Variants in PCDHB2 observed in about 807,000 individuals in gnomAD.
PCDHB2 encodes the protein protocadherin beta-2.
For synonymous variants in PCDHB2, 395 were observed against 464.9 expected, an observed-to-expected ratio of 0.85 and a Z score of 1.93; for missense variants, 914 against 1,023.1, an observed-to-expected ratio of 0.89 and a Z score of 1.45.
rs979178982 is a variant in PCDHB2 at position 141,097,418 on chromosome 5, A to T, written c.*231A>T. 4.3e-5 allele frequency: 20 copies of T among 464,694 alleles called. No individual in the cohort carries two copies. Among genetic ancestry groups the T allele is most frequent in the Non-Finnish European group, 1.5e-5 (4 of 267,476 alleles). The allele number at this position is 464,694 out of a possible 1,614,324, so 28.8% of individuals were successfully genotyped here. ...TTCATTGCAATTTAATTGCATTTAAAGTGTAAAAGTAAATTTTGTATTTTC... is the reference window on the plus strand; with the variant it reads ...TTCATTGCAATTTAATTGCATTTAATGTGTAAAAGTAAATTTTGTATTTTC... On this transcript the variant is annotated 3_prime_UTR_variant, in exon 1 of 1. Transcript: ENST00000194155.
At position 141,095,837 on chromosome 5, in the gene PCDHB2, A is replaced by G. The variant is rs201638293; in HGVS notation, c.1047A>G (p.Leu349=). 3.1e-6 allele frequency: 5 copies of G among 1,614,070 alleles called. No individual in the cohort carries two copies. In the East Asian group the frequency reaches 1.1e-4, roughly 36 times the overall value. Residue 349 remains leucine (L), a synonymous_variant, in exon 1 of 1, where the codon CTA becomes CTG. Coordinates refer to ENST00000194155, the MANE Select transcript of PCDHB2 (RefSeq NM_018936.4). ...VMDLNDNPPE[L]TMSTLINQIP... is the part of the protein sequence containing the mutation. ...ATTTGAATGACAATCCTCCGGAACT[A>G]ACTATGTCGACACTTATCAATCAGA...
At position 141,097,135 on chromosome 5, in the gene PCDHB2, A is replaced by G; in HGVS notation, c.2345A>G (p.Glu782Gly). Residue 782 changes from glutamate (E) to glycine (G), a missense_variant, in exon 1 of 1, where the codon GAG becomes GGG. By Grantham distance (98) the Glu-to-Gly change is moderately conservative. Coordinates refer to ENST00000194155, the MANE Select transcript of PCDHB2 (RefSeq NM_018936.4). The part of the protein sequence containing the change: ...IIPNFVAQGA[E>G]RVSEANPSFR... ...CCCAACTTCGTTGCTCAGGGTGCAG[A>G]GAGGGTTAGCGAGGCAAATCCCAGT... is the stretch of plus-strand genomic sequence containing the variant. 2 of 1,605,460 alleles carry G rather than the reference A, an allele frequency of 1.2e-6. No homozygotes were observed. Among genetic ancestry groups the G allele is most frequent in the Non-Finnish European group, 1.7e-6 (2 of 1,175,644 alleles).
At position 141,097,157 on chromosome 5, in the gene PCDHB2, C is replaced by T. The variant is rs782570394; in HGVS notation, c.2367C>T (p.Pro789=). ...CAGAGAGGGTTAGCGAGGCAAATCCCAGTTTCAGGAAGAGCTTTGAATTCA... is the reference window on the plus strand; with the variant it reads ...CAGAGAGGGTTAGCGAGGCAAATCCTAGTTTCAGGAAGAGCTTTGAATTCA... ...QGAERVSEAN[P]SFRKSFEFT Residue 789 remains proline, a synonymous_variant, in exon 1 of 1, where the codon CCC becomes CCT. Transcript: ENST00000194155. 4.0e-5 allele frequency: 65 copies of T among 1,606,124 alleles called. No individual in the cohort carries two copies. The Middle Eastern group carries it at 5.0e-4, about 12-fold the overall frequency.
At position 141,095,010 on chromosome 5, in the gene PCDHB2, A is replaced by G. The variant is rs540890394; in HGVS notation, c.220A>G (p.Lys74Glu). 2 of 1,613,292 alleles carry G rather than the reference A, an allele frequency of 1.2e-6. No individual in the cohort carries two copies. The highest frequency in any genetic ancestry group is 4.5e-5 in the East Asian group (2 of 44,860). ...GGCCAGGGTCGTTTCCAAAGGAAAA[A>G]AAATGCATTTGCAGTTCGATAGGCA... ...RGARVVSKGK[K>E]MHLQFDRQTG... Residue 74 changes from lysine (K) to glutamate (E), a missense_variant, in exon 1 of 1, where the codon AAA (lysine) becomes GAA (glutamate). By Grantham distance (56) the Lys-to-Glu change is moderately conservative. Coordinates refer to ENST00000194155, the MANE Select transcript of PCDHB2 (RefSeq NM_018936.4).
Position 141,097,294 on chromosome 5 carries a change from T to C in PCDHB2, c.*107T>C. The C allele has an allele frequency of 7.9e-7, 1 of 1,263,130 alleles. No homozygotes were observed. The highest frequency in any genetic ancestry group is 1.1e-6 in the Non-Finnish European group (1 of 910,896). 78.2% of individuals were successfully genotyped at this position (1,263,130 alleles called of 1,614,324 possible). ...TCCTTTTATTAGAAAGTAACCATCT[T>C]ATTCCAATTCTATGCATGTTACTGG... On this transcript the variant is annotated 3_prime_UTR_variant, in exon 1 of 1. Transcript: ENST00000194155.
Position 141,096,751 on chromosome 5 carries a change from G to C in PCDHB2, c.1961G>C (p.Arg654Pro), listed in dbSNP as rs1554271620. Residue 654 changes from arginine to proline, a missense_variant, in exon 1 of 1, where the codon CGC becomes CCC. Physicochemically the swap from Arg to Pro is moderately radical, Grantham distance 103. Coordinates refer to ENST00000194155, the MANE Select transcript of PCDHB2 (RefSeq NM_018936.4). ...GTCAAGGACAATGGCGAGCCTCCGC[G>C]CTCGGCCACCGCCACGCTGCACGTG... is the stretch of plus-strand genomic sequence containing the variant. ...VLVKDNGEPP[R>P]SATATLHVLL... The C allele has an allele frequency of 1.2e-5, 19 of 1,609,898 alleles. No individual in the cohort carries two copies. Among genetic ancestry groups the C allele is most frequent in the Non-Finnish European group, 1.4e-5 (17 of 1,179,642 alleles).
At position 141,096,473 on chromosome 5, in the gene PCDHB2, C is replaced by T. The variant is rs782377003; in HGVS notation, c.1683C>T (p.Pro561=). 5 of 1,610,768 alleles carry T rather than the reference C, an allele frequency of 3.1e-6. No homozygotes were observed. Among genetic ancestry groups the T allele is most frequent in the Admixed American group, 1.7e-5 (1 of 59,922 alleles). Residue 561 remains proline (P), a synonymous_variant, in exon 1 of 1, where the codon CCC becomes CCT. Transcript: ENST00000194155. ...TGCTGGACGCCAACGACAACTCGCC[C>T]TTCGTGCTGTACCCGCTGCAGAACG... The part of the protein sequence containing the change: ...VLVLDANDNS[P]FVLYPLQNGS...
At position 141,096,140 on chromosome 5, in the gene PCDHB2, C is replaced by T. The variant is rs782740359; in HGVS notation, c.1350C>T (p.Ala450=). Residue 450 remains alanine, a synonymous_variant, in exon 1 of 1, where the codon GCC becomes GCT. Coordinates refer to ENST00000194155, the MANE Select transcript of PCDHB2 (RefSeq NM_018936.4). The part of the protein sequence containing the change: ...TVLVSDVNDN[A]PAFTQTSYTL... ...TGGTCTCCGACGTCAATGACAACGC[C>T]CCCGCCTTCACCCAAACCTCCTACA... The T allele has an allele frequency of 9.8e-5, 158 of 1,613,376 alleles. No individual in the cohort carries two copies. Among genetic ancestry groups the T allele is most frequent in the Non-Finnish European group, 1.3e-4 (155 of 1,179,992 alleles).
In PCDHB2 at chr5:141,097,348, G is replaced by A; in HGVS notation, c.*161G>A. Reference sequence around the variant, plus strand: ...TTATAAATGTATGAGTTTTTTTGCGGTATAATAAATGTAAATTTTCTTTGT... The same window carrying A: ...TTATAAATGTATGAGTTTTTTTGCGATATAATAAATGTAAATTTTCTTTGT... On this transcript the variant is annotated 3_prime_UTR_variant, in exon 1 of 1. Transcript: ENST00000194155. 1.3e-6 allele frequency: 1 copy of A among 779,990 alleles called. No individual in the cohort carries two copies. Among genetic ancestry groups the A allele is most frequent in the Admixed American group, 3.1e-5 (1 of 31,772 alleles). The allele number at this position is 779,990 out of a possible 1,614,324, so 48.3% of individuals were successfully genotyped here.
Position 141,096,484 on chromosome 5 carries a change from A to G in PCDHB2, c.1694A>G (p.Tyr565Cys). The change falls in exon 1 of 1, where the codon TAC (tyrosine) becomes TGC (cysteine). Residue 565 changes from tyrosine (Y) to cysteine (C), a missense_variant. Transcript: ENST00000194155. ...DANDNSPFVL[Y>C]PLQNGSAPCT... is the part of the protein sequence containing the mutation. ...AACGACAACTCGCCCTTCGTGCTGT[A>G]CCCGCTGCAGAACGGCTCCGCGCCC... is the stretch of plus-strand genomic sequence containing the variant. 1 of 1,610,390 alleles carries G rather than the reference A, an allele frequency of 6.2e-7. No individual in the cohort carries two copies. The highest frequency in any genetic ancestry group is 1.1e-5 in the South Asian group (1 of 90,862).
chr5:141,097,317 T>A lies in PCDHB2; in HGVS notation c.*130T>A. On this transcript the variant is annotated 3_prime_UTR_variant, in exon 1 of 1. Transcript: ENST00000194155. ...CTTATTCCAATTCTATGCATGTTAC[T>A]GGTATTTATAAATGTATGAGTTTTT... The A allele has an allele frequency of 7.8e-6, 8 of 1,022,072 alleles. No homozygotes were observed. The highest frequency in any genetic ancestry group is 1.1e-5 in the Non-Finnish European group (8 of 713,186). The allele number at this position is 1,022,072 out of a possible 1,614,324, so 63.3% of individuals were successfully genotyped here.
chr5:141,096,317 C>T lies in PCDHB2; in HGVS notation c.1527C>T (p.Asn509=). 1.2e-6 allele frequency: 2 copies of T among 1,613,398 alleles called. No individual in the cohort carries two copies. The highest frequency in any genetic ancestry group is 1.7e-6 in the Non-Finnish European group (2 of 1,179,950). ...CCCTCGCCTCCCTGGTCTCCATCAA[C>T]GCGGACAACGGCCACCTGTTCGCTC... ...HLPLASLVSI[N]ADNGHLFALQ... The change falls in exon 1 of 1, where the codon AAC becomes AAT. Residue 509 remains asparagine (N), a synonymous_variant. Transcript: ENST00000194155.
At position 141,094,845 on chromosome 5, in the gene PCDHB2, T is replaced by G; in HGVS notation, c.55T>G (p.Phe19Val). ...RVPKQRQVLI[F>V]FVLLGIAQAS... is the part of the protein sequence containing the mutation. Reference sequence around the variant, plus strand: ...TCCGAAACAAAGGCAAGTCCTGATATTCTTTGTTTTGCTGGGCATAGCTCA... The same window carrying G: ...TCCGAAACAAAGGCAAGTCCTGATAGTCTTTGTTTTGCTGGGCATAGCTCA... Residue 19 changes from phenylalanine (F) to valine (V), a missense_variant, in exon 1 of 1, where the codon TTC (phenylalanine) becomes GTC (valine). By Grantham distance (50) the Phe-to-Val change is conservative. Transcript: ENST00000194155. The G allele has an allele frequency of 2.5e-6, 4 of 1,601,622 alleles. No homozygotes were observed. The highest frequency in any genetic ancestry group is 3.4e-6 in the Non-Finnish European group (4 of 1,175,294).
Position 141,095,586 on chromosome 5 carries a change from G to GTC in PCDHB2, c.800_801dup (p.Ala268LeufsTer5), listed in dbSNP as rs1554271287. The GTC allele has an allele frequency of 6.2e-7, 1 of 1,614,080 alleles. No homozygotes were observed. Among genetic ancestry groups the GTC allele is most frequent in the Non-Finnish European group, 8.5e-7 (1 of 1,180,040 alleles). On this transcript the variant is annotated frameshift_variant, in exon 1 of 1. Coordinates refer to ENST00000194155, the MANE Select transcript of PCDHB2 (RefSeq NM_018936.4). LOFTEE classifies it low-confidence loss of function (END_TRUNC). ...CCCCGTTGGATCCCAGGTTGCCATC[G>GTC]TCTCTGCCAGGGATTTAGACATTGG...
In PCDHB2 at chr5:141,095,306, C is replaced by G. The variant is rs782605908; in HGVS notation, c.516C>G (p.Tyr172Ter). The G allele has an allele frequency of 6.2e-7, 1 of 1,614,062 alleles. No individual in the cohort carries two copies. Among genetic ancestry groups the G allele is most frequent in the Non-Finnish European group, 8.5e-7 (1 of 1,179,952 alleles). ...LDVGTNSLQNYTISPNFHFHL... is the reference protein window; with the variant it reads ...LDVGTNSLQN Reference sequence around the variant, plus strand: ...TAGGAACCAACAGTCTCCAAAATTACACAATCAGTCCCAATTTCCACTTTC... The same window carrying G: ...TAGGAACCAACAGTCTCCAAAATTAGACAATCAGTCCCAATTTCCACTTTC... Residue 172 changes from tyrosine (Y) to a stop codon, truncating the protein, a stop_gained, in exon 1 of 1, where the codon TAC (tyrosine) becomes TAG (stop). Coordinates refer to ENST00000194155, the MANE Select transcript of PCDHB2 (RefSeq NM_018936.4). LOFTEE classifies it low-confidence loss of function (END_TRUNC).
rs782239436 is a variant in PCDHB2, at chr5:141,096,426, G to T, written c.1636G>T (p.Glu546Ter). 7 of 1,611,716 alleles carry T rather than the reference G, an allele frequency of 4.3e-6. No homozygotes were observed. Among genetic ancestry groups the T allele is most frequent in the South Asian group, 3.3e-5 (3 of 90,930 alleles). The part of the protein sequence containing the change: ...ADRGSPALSS[E>*]ALVRVLVLDA... ...CCGCGGCTCCCCGGCGTTGAGCAGC[G>T]AGGCGCTGGTGCGCGTGCTGGTGCT... Residue 546 changes from glutamate to a stop codon, truncating the protein, a stop_gained, in exon 1 of 1, where the codon GAG becomes TAG. Transcript: ENST00000194155. LOFTEE classifies it low-confidence loss of function (END_TRUNC).
rs781996425 is a variant in PCDHB2 at position 141,095,263 on chromosome 5, G to A, written c.473G>A (p.Arg158His). The change falls in exon 1 of 1, where the codon CGT (arginine) becomes CAT (histidine). Residue 158 changes from arginine to histidine, a missense_variant. Transcript: ENST00000194155. ...ITPGTTFLIERAQDLDVGTNS... is the reference protein window; with the variant it reads ...ITPGTTFLIEHAQDLDVGTNS... ...CCTGGAACTACTTTCTTAATAGAAC[G>A]TGCCCAGGACTTGGATGTAGGAACC... 5 of 1,613,920 alleles carry A rather than the reference G, an allele frequency of 3.1e-6. No homozygotes were observed. The highest frequency in any genetic ancestry group is 1.1e-5 in the South Asian group (1 of 91,058).
In PCDHB2 at chr5:141,095,043, G is replaced by A; in HGVS notation, c.253G>A (p.Asp85Asn). Residue 85 changes from aspartate (D) to asparagine (N), a missense_variant, in exon 1 of 1, where the codon GAT becomes AAT. Transcript: ENST00000194155. ...MHLQFDRQTGDLLLNEKLDRE... is the reference protein window; with the variant it reads ...MHLQFDRQTGNLLLNEKLDRE... ...TTTGCAGTTCGATAGGCAGACCGGG[G>A]ATTTGTTGTTAAATGAGAAATTGGA... 2 of 1,614,114 alleles carry A rather than the reference G, an allele frequency of 1.2e-6. No homozygotes were observed. Among genetic ancestry groups the A allele is most frequent in the Non-Finnish European group, 1.7e-6 (2 of 1,180,014 alleles).
Position 141,095,205 on chromosome 5 carries a change from G to T in PCDHB2, c.415G>T (p.Glu139Ter), listed in dbSNP as rs1394683870. ...NDHSPVFLDKEILLKIPESIT... is the reference protein window; with the variant it reads ...NDHSPVFLDK ...TCATTCCCCAGTTTTCCTAGACAAAGAAATACTTTTGAAAATTCCAGAAAG... is the reference window on the plus strand; with the variant it reads ...TCATTCCCCAGTTTTCCTAGACAAATAAATACTTTTGAAAATTCCAGAAAG... The change falls in exon 1 of 1, where the codon GAA (glutamate) becomes TAA (stop). Residue 139 changes from glutamate to a stop codon, truncating the protein, a stop_gained. Transcript: ENST00000194155. LOFTEE classifies it low-confidence loss of function (END_TRUNC). 5 of 1,610,794 alleles carry T rather than the reference G, an allele frequency of 3.1e-6. No homozygotes were observed. Among genetic ancestry groups the T allele is most frequent in the Non-Finnish European group, 4.2e-6 (5 of 1,178,476 alleles).
Sources: allele counts gnomAD v4.1 joint callset, GRCh38; gene constraint gnomAD v4.1.1; transcripts MANE v1.5; gene names NCBI Gene and HGNC (gene_info 2026-07-23, HGNC 2026-07-21).